The following L3MBTL4 variants were observed in gnomAD, a reference collection of about 807,000 sequenced individuals.
The protein encoded by L3MBTL4 is L3MBTL histone methyl-lysine binding protein 4.
In L3MBTL4, 70 loss-of-function variants were observed where a neutral mutation model predicts 84.5. That is an observed-to-expected ratio of 0.83 (90% CI 0.68 to 1.01). L3MBTL4 has a LOEUF of 1.01. Among genes scored for constraint, L3MBTL4 ranks in the 50% least tolerant of loss-of-function variants. L3MBTL4 has a pLI of 0.00. For synonymous variants in L3MBTL4, 274 were observed against 259.8 expected (o/e 1.05, Z -0.52); for missense variants, 715 against 754.8 (o/e 0.95, Z 0.62).
At position 6,245,304 on chromosome 18, in the gene L3MBTL4, T is replaced by G. The variant is rs186428685; in HGVS notation, c.220-716A>C. 3.9e-5 allele frequency among the ~76,000 whole-genome samples: 6 copies of G among 152,364 alleles called. No individual in the cohort carries two copies. The East Asian group carries it at 1.2e-3, about 29-fold the overall frequency. Reference sequence around the variant, plus strand: ...TTAGTGCTCAAGGATGGTTTCATTATGTTAATATGCTTTGAAATAGTACCT... The same window carrying G: ...TTAGTGCTCAAGGATGGTTTCATTAGGTTAATATGCTTTGAAATAGTACCT... On this transcript the variant is annotated intron_variant, in intron 5 of 18. Transcript: ENST00000317931.
chr18:6,183,488 CT>C (rs1411569800), intron 12 of L3MBTL4, among the ~76,000 whole-genome samples: 1 of 152,198 alleles, frequency 6.6e-6, no homozygotes, highest in East Asian at 1.9e-4. Context: ...GGACAAAGGC[CT>C]TTTCAGGCGA....
intron 5 of L3MBTL4, chr18:6,256,879 T>C (rs934903512): frequency 1.3e-5 from 2 of 152,236 alleles, no homozygotes; most frequent in Non-Finnish European, 2.9e-5. Context: ...CCAAGGCAAG[T>C]TGTGGCAAGG....
chr18:6,123,497 C>A (rs1316653734), intron 14 of L3MBTL4, among the ~76,000 whole-genome samples: 1 of 152,166 alleles, frequency 6.6e-6, no homozygotes, highest in Non-Finnish European at 1.5e-5. Flanking sequence ...TGTTCCCCTG[C>A]ATAGGCTCTC....
intron 14 of L3MBTL4, among the ~76,000 whole-genome samples, chr18:6,134,622 C>G (rs1345976061): frequency 6.6e-6 from 1 of 152,150 alleles, no homozygotes; most frequent in Non-Finnish European, 1.5e-5. Context: ...TGATATCCAG[C>G]AGGGCAGTCA....
chr18:6,350,023 A>T (rs902801327), intron 1 of L3MBTL4, among the ~76,000 whole-genome samples: 1 of 152,220 alleles, frequency 6.6e-6, no homozygotes, highest in African/African-American at 2.4e-5. Flanking sequence ...GTTTGAGTCC[A>T]CAAATGGCAT....
chr18:6,298,543 T>C (rs918313496), intron 4 of L3MBTL4, among the ~76,000 whole-genome samples: 5 of 152,232 alleles, frequency 3.3e-5, no homozygotes, highest in African/African-American at 9.6e-5. Flanking sequence ...TAATTTTCTT[T>C]TACAATTTCT....
intron 1 of L3MBTL4, among the ~76,000 whole-genome samples, chr18:6,391,091 A>G (rs1246351716): frequency 2.0e-5 from 3 of 152,242 alleles, no homozygotes. Context: ...CTTCAACAAA[A>G]TACTAGCTAA....
intron 5 of L3MBTL4, among the ~76,000 whole-genome samples, chr18:6,258,492 G>T (rs1479493069): frequency 6.6e-6 from 1 of 152,164 alleles, no homozygotes; most frequent in Non-Finnish European, 1.5e-5. Flanking sequence ...TGACATGAGG[G>T]AACTGGGCTG....
chr18:6,318,768 T>C (rs547340263), intron 1 of L3MBTL4, among the ~76,000 whole-genome samples: 2 of 151,970 alleles, frequency 1.3e-5, no homozygotes, highest in Non-Finnish European at 2.9e-5. Context: ...AACTACATGA[T>C]AGAACAAATG....
intron 15 of L3MBTL4, among the ~76,000 whole-genome samples, chr18:6,083,800 A>G (rs989177321): frequency 6.6e-6 from 1 of 152,176 alleles, no homozygotes; most frequent in Non-Finnish European, 1.5e-5. Context: ...TACCTGATTT[A>G]TTCCATAAAG....
intron 13 of L3MBTL4, among the ~76,000 whole-genome samples, chr18:6,166,481 T>C (rs576192360): frequency 0.011 from 1,663 of 152,286 alleles, 43 homozygotes; most frequent in African/African-American, 0.038. Context: ...AAACTGTCTC[T>C]CAGACCACAG....
chr18:6,179,303 T>C (rs112459392), intron 12 of L3MBTL4, among the ~76,000 whole-genome samples: 29 of 152,362 alleles, frequency 1.9e-4, no homozygotes, highest in Admixed American at 1.4e-3. Context: ...ACAGCCTGTA[T>C]TGTGCCTGAA....
At chr18:6,138,594 C>A (rs2060103415) in intron 13 of L3MBTL4, among the ~76,000 whole-genome samples, 1 of 152,054 alleles carries the variant, frequency 6.6e-6, no homozygotes, top group African/African-American at 2.4e-5. Flanking sequence ...ACTCTGTTGC[C>A]CAGGCTGGAA....
intron 10 of L3MBTL4, among the ~76,000 whole-genome samples, chr18:6,235,318 T>C (rs1372901608): frequency 6.6e-6 from 1 of 152,116 alleles, no homozygotes; most frequent in Non-Finnish European, 1.5e-5. Flanking sequence ...TAAAGTAACA[T>C]AATAAATACA....
chr18:6,092,091 T>C (rs1415422596), intron 15 of L3MBTL4, among the ~76,000 whole-genome samples: 1 of 152,106 alleles, frequency 6.6e-6, no homozygotes, highest in East Asian at 1.9e-4. Flanking sequence ...AAATGCAAGA[T>C]ACAGCTATAA....
rs571614703 is a variant in L3MBTL4, at chr18:6,285,667, A to C, written c.127+16236T>G. On this transcript the variant is annotated intron_variant, in intron 4 of 18. Coordinates refer to ENST00000317931, the MANE Select transcript of L3MBTL4 (RefSeq NM_001330559.2). ...CCCTGCTGCTGAAGTCACCTGCTGC[A>C]ACCTGAGGCCAGTTTTACCTGATGG... is the stretch of plus-strand genomic sequence containing the variant. Among the ~76,000 whole-genome samples, 18 of 152,116 alleles carry C rather than the reference A, an allele frequency of 1.2e-4. No homozygotes were observed. The East Asian group carries it at 3.5e-3, about 30-fold the overall frequency.
intron 1 of L3MBTL4, among the ~76,000 whole-genome samples, chr18:6,338,475 G>A (rs1233319471): frequency 6.6e-6 from 1 of 151,706 alleles, no homozygotes; most frequent in African/African-American, 2.4e-5. Context: ...ATTTTCTAAG[G>A]AAAAAGAAGG....
chr18:5,969,616 C>T, intron 16 of L3MBTL4, 54 bp from the exon 17 acceptor site: 3 of 1,535,496 alleles, frequency 2.0e-6, no homozygotes, highest in African/African-American at 1.4e-5. Context: ...GCAAGCACTG[C>T]TGTGTCAGCC....
intron 16 of L3MBTL4, among the ~76,000 whole-genome samples, chr18:6,064,596 AG>A (rs1183443499): frequency 4.3e-5 from 2 of 46,540 alleles, no homozygotes; most frequent in African/African-American, 9.1e-5. Flanking sequence ...GTATATTCCT[AG>A]GTTTTTTTTT....
Sources: allele counts gnomAD v4.1 joint callset (sites outside exome capture counted in the v4.1 genomes callset), GRCh38; gene constraint gnomAD v4.1.1; transcripts MANE v1.5; gene names NCBI Gene and HGNC (gene_info 2026-07-23, HGNC 2026-07-21).